CAMK2A: variants seen among roughly 807,000 people sequenced by gnomAD.
CAMK2A encodes calcium/calmodulin-dependent protein kinase type II subunit alpha.
Under a neutral mutation model 79.2 loss-of-function variants are expected in CAMK2A, and 7 were observed. That is an observed-to-expected ratio of 0.09 (90% CI 0.05 to 0.17). The LOEUF (loss-of-function observed/expected upper bound fraction) is 0.17, where lower values mean the gene tolerates loss of function less well. Ranked by LOEUF, CAMK2A falls within the 10% of genes least tolerant of loss-of-function variation. CAMK2A has a pLI of 1.00. For missense variants in CAMK2A, 214 were observed against 646.4 expected (o/e 0.33, Z 7.25); for synonymous variants, 242 against 251.7 (o/e 0.96, Z 0.36).
intron 4 of CAMK2A, 117 bp downstream of exon 4, chr5:150,257,446 A>G (rs1408810210): frequency 1.2e-6 from 1 of 866,714 alleles, no homozygotes; most frequent in East Asian, 2.7e-5. Context: ...CAGGCCCACC[A>G]CATTTGGGGA....
chr5:150,256,946 A>G lies in CAMK2A; in HGVS notation c.273-115T>C. The stretch of plus-strand genomic sequence containing the variant: ...CAGGGACCTCAGGACCTCAGCCACA[A>G]AAGGAGGGGCCCCAGGGTCACGGGG... On this transcript the variant is annotated intron_variant, in intron 4 of 18. Coordinates refer to ENST00000671881, the MANE Select transcript of CAMK2A (RefSeq NM_015981.4). This position sits in a 1 kb window ranked among gnomAD's most constrained non-coding sequence, Gnocchi z 4.6. The G allele has an allele frequency of 1.2e-6, 1 of 846,012 alleles. No homozygotes were observed. 52.4% of individuals were successfully genotyped at this position (846,012 alleles called of 1,614,324 possible).
intron 15 of CAMK2A, among the ~76,000 whole-genome samples, chr5:150,231,613 C>CAAAA (rs34708614): frequency 8.3e-6 from 1 of 120,464 alleles, no homozygotes; most frequent in Non-Finnish European, 1.6e-5. Flanking sequence ...CCCAGAAAGG[C>CAAAA]AAAAAAAAAA....
chr5:150,279,110 T>C (rs1348489565), intron 1 of CAMK2A, among the ~76,000 whole-genome samples: 2 of 152,184 alleles, frequency 1.3e-5, no homozygotes, highest in African/African-American at 4.8e-5. Flanking sequence ...TCGTGTTTCA[T>C]ACCAGTGCCA....
chr5:150,256,996 C>A lies in CAMK2A; in HGVS notation c.273-165G>T, dbSNP rs1423776050. ...GGTGTCCCCTGCTGCAATGCCCTTC[C>A]TGTCTTCCAGAGCACCCTTCCATTG... On this transcript the variant is annotated intron_variant, in intron 4 of 18. Coordinates refer to ENST00000671881, the MANE Select transcript of CAMK2A (RefSeq NM_015981.4). The surrounding 1 kb of genome is among the most constrained non-coding windows in gnomAD (Gnocchi z 4.6). Among the ~76,000 whole-genome samples, 1 of 152,162 alleles carries A rather than the reference C, an allele frequency of 6.6e-6. No individual in the cohort carries two copies. The highest frequency in any genetic ancestry group is 1.9e-4 in the East Asian group (1 of 5,196).
At chr5:150,259,786 T>C (rs544832224) in intron 3 of CAMK2A, among the ~76,000 whole-genome samples, 30 of 151,872 alleles carry the variant, frequency 2.0e-4, no homozygotes, top group African/African-American at 7.2e-4. Context: ...CCGGCCAATA[T>C]GGCAAAACAC....
At chr5:150,277,021 G>C (rs1330674147) in intron 1 of CAMK2A, among the ~76,000 whole-genome samples, 1 of 152,180 alleles carries the variant, frequency 6.6e-6, no homozygotes, top group African/African-American at 2.4e-5. Flanking sequence ...CTTGAGCCCA[G>C]GAGTTTGAGA....
chr5:150,258,785 A>T (rs931660083), intron 3 of CAMK2A, among the ~76,000 whole-genome samples: 2 of 152,226 alleles, frequency 1.3e-5, no homozygotes, highest in Non-Finnish European at 2.9e-5. Context: ...GTATTTGCAC[A>T]TAAAATTTGG....
At chr5:150,244,584 G>A (rs557139488) in intron 13 of CAMK2A, among the ~76,000 whole-genome samples, 4 of 152,326 alleles carry the variant, frequency 2.6e-5, no homozygotes, top group African/African-American at 9.6e-5. Flanking sequence ...AGGGTAACTC[G>A]GGCTCTAGGG....
At chr5:150,271,538 A>G (rs1756750077) in intron 2 of CAMK2A, among the ~76,000 whole-genome samples, 1 of 152,184 alleles carries the variant, frequency 6.6e-6, no homozygotes, top group Non-Finnish European at 1.5e-5. Context: ...GGCCCCACAC[A>G]GCTGCGCCTA....
chr5:150,269,922 T>C (rs1756668543), intron 2 of CAMK2A, among the ~76,000 whole-genome samples: 1 of 152,182 alleles, frequency 6.6e-6, no homozygotes, highest in Non-Finnish European at 1.5e-5. Context: ...GAGCTTGTCA[T>C]GCTCCCCACC....
intron 6 of CAMK2A, among the ~76,000 whole-genome samples, chr5:150,253,751 G>A (rs749118198): frequency 3.3e-5 from 5 of 152,272 alleles, no homozygotes; most frequent in East Asian, 3.9e-4. Context: ...ACCTCCATCC[G>A]CTACAACAGA....
chr5:150,237,264 G>A (rs1755119214), intron 15 of CAMK2A, among the ~76,000 whole-genome samples: 1 of 152,060 alleles, frequency 6.6e-6, no homozygotes, highest in Non-Finnish European at 1.5e-5. Flanking sequence ...TGTTTCCTAC[G>A]TAATACAATG....
At chr5:150,230,264 G>A (rs1390958560) in intron 16 of CAMK2A, among the ~76,000 whole-genome samples, 2 of 132,452 alleles carry the variant, frequency 1.5e-5, no homozygotes, top group African/African-American at 5.9e-5. Context: ...GTTGCAGTGA[G>A]CCAAGATCGT....
chr5:150,237,356 T>G (rs893255623), intron 15 of CAMK2A, among the ~76,000 whole-genome samples: 56 of 107,288 alleles, frequency 5.2e-4, no homozygotes, highest in Admixed American at 5.9e-4. Context: ...GGCCTTTTTT[T>G]ATATTTCAGA....
At chr5:150,263,422 GCACATTCACACA>G (rs1187636909) in intron 3 of CAMK2A, among the ~76,000 whole-genome samples, 4 of 148,606 alleles carry the variant, frequency 2.7e-5, no homozygotes, top group East Asian at 2.0e-4. Flanking sequence ...ACTCACATAC[GCACATTCACACA>G]CACATTCACA....
chr5:150,260,082 G>A (rs1486729941), intron 3 of CAMK2A, among the ~76,000 whole-genome samples: 5 of 152,088 alleles, frequency 3.3e-5, no homozygotes, highest in African/African-American at 7.2e-5. Context: ...GCATTATTAC[G>A]TTTCTATCCA....
chr5:150,259,323 CAACCTGGGCAACATGATGA>C (rs1375170903), intron 3 of CAMK2A, among the ~76,000 whole-genome samples: 7 of 151,968 alleles, frequency 4.6e-5, no homozygotes, highest in African/African-American at 1.7e-4. Context: ...AGTTCAAGAC[CAACCTGGGCAACATGATGA>C]AACCCCATCT....
chr5:150,257,086 G>A (rs1023041656), intron 4 of CAMK2A, among the ~76,000 whole-genome samples: 2 of 152,132 alleles, frequency 1.3e-5, no homozygotes, highest in Admixed American at 1.3e-4. Flanking sequence ...GCTGGAGTCC[G>A]GAGGTTAGGG....
intron 1 of CAMK2A, among the ~76,000 whole-genome samples, chr5:150,276,333 G>C (rs746931818): frequency 3.9e-5 from 6 of 152,226 alleles, no homozygotes; most frequent in Middle Eastern, 3.4e-3. Flanking sequence ...TCTTCTCTCT[G>C]CCCCCAGTGC....
Sources: gnomAD v4.1 joint callset for allele counts (sites outside exome capture counted in the v4.1 genomes callset) on GRCh38, gnomAD v4.1.1 for gene constraint, Gnocchi (gnomAD v3.1) non-coding constraint, MANE v1.5 for transcripts, NCBI Gene and HGNC (gene_info 2026-07-23, HGNC 2026-07-21) for gene names.